Variants in B4GALNT3 observed in about 807,000 individuals in gnomAD.
The protein encoded by B4GALNT3 is beta-1,4-N-acetyl-galactosaminyltransferase 3.
Under a neutral mutation model 120.2 loss-of-function variants are expected in B4GALNT3, and 86 were observed. The ratio of observed to expected loss-of-function variants is 0.72; its 90% confidence interval spans 0.60 to 0.86. B4GALNT3 has a LOEUF of 0.86. Ranked by LOEUF, B4GALNT3 falls within the 40% of genes least tolerant of loss-of-function variation. The pLI, the probability that B4GALNT3 is intolerant of heterozygous loss-of-function variation, is 0.00. For missense variants in B4GALNT3, 1,167 were observed against 1,298.9 expected, an observed-to-expected ratio of 0.90 and a Z score of 1.56; for synonymous variants, 518 against 510.4, an observed-to-expected ratio of 1.01 and a Z score of -0.20.
intron 3 of B4GALNT3, among the ~76,000 whole-genome samples, chr12:540,769 A>G (rs541899829): frequency 6.6e-6 from 1 of 151,044 alleles, no homozygotes; most frequent in African/African-American, 2.4e-5. Flanking sequence ...TTTGAGACGG[A>G]GTCTCGCTCT....
chr12:541,993 G>A (rs1170782728), intron 3 of B4GALNT3, among the ~76,000 whole-genome samples: 1 of 152,052 alleles, frequency 6.6e-6, no homozygotes, highest in Non-Finnish European at 1.5e-5. Context: ...GGAGACAGCT[G>A]AGTCTTATAA....
intron 1 of B4GALNT3, among the ~76,000 whole-genome samples, chr12:476,854 A>C (rs529685671): frequency 6.6e-6 from 1 of 152,344 alleles, no homozygotes; most frequent in East Asian, 1.9e-4. Flanking sequence ...AGAAGTCCAG[A>C]GATTTTAAAT....
At chr12:545,302 C>T (rs1946979414) in intron 5 of B4GALNT3, 67 bp from the exon 6 acceptor site, 3 of 1,543,200 alleles carry the variant, frequency 1.9e-6, no homozygotes, top group East Asian at 2.4e-5. Context: ...AAGACACTCA[C>T]AAAAGCCTCC....
At chr12:544,478 C>A in intron 4 of B4GALNT3, 44 bp downstream of exon 4, 1 of 1,500,254 alleles carries the variant, frequency 6.7e-7, no homozygotes. Context: ...TCCACACCTG[C>A]CTCCTCTGCC....
intron 1 of B4GALNT3, among the ~76,000 whole-genome samples, chr12:512,190 TCCGCCTTCCA>T (rs1192808766): frequency 0.053 from 4,498 of 85,104 alleles, 432 homozygotes; most frequent in Non-Finnish European, 0.062. Context: ...CCTTCCACCT[TCCGCCTTCCA>T]CCTTCCACCT....
intron 1 of B4GALNT3, among the ~76,000 whole-genome samples, chr12:526,372 G>C (rs76887376): frequency 0.29 from 43,573 of 152,058 alleles, 7,129 homozygotes; most frequent in African/African-American, 0.43. Flanking sequence ...CACATCTTCC[G>C]TCTGCATGCA....
Position 485,131 on chromosome 12 carries a change from T to G in B4GALNT3, c.169+24586T>G, listed in dbSNP as rs188866405. Among the ~76,000 whole-genome samples the G allele has an allele frequency of 7.3e-3, 1,114 of 152,192 alleles. 14 individuals carry two copies. The highest frequency in any genetic ancestry group is 0.01 in the Middle Eastern group (3 of 294). On this transcript the variant is annotated intron_variant, in intron 1 of 19. Coordinates refer to ENST00000266383, the MANE Select transcript of B4GALNT3 (RefSeq NM_173593.4). ...AAGACGTGGTGTTGGAGGTGGGATT[T>G]GAACTGGGGTGTATGATGCAGAGGA...
At position 460,558 on chromosome 12, in the gene B4GALNT3, C is replaced by T; in HGVS notation, c.169+13C>T. On this transcript the variant is annotated intron_variant, in intron 1 of 19. Coordinates refer to ENST00000266383, the MANE Select transcript of B4GALNT3 (RefSeq NM_173593.4). This position sits in a 1 kb window ranked among gnomAD's most constrained non-coding sequence, Gnocchi z 8.0. The stretch of plus-strand genomic sequence containing the variant: ...CCCCTGAACCGGAGTAAGTAGCACC[C>T]AGGGGAGGCGAAGGGCGCGGGGGTG... 1 of 1,431,554 alleles carries T rather than the reference C, an allele frequency of 7.0e-7. No homozygotes were observed. Among genetic ancestry groups the T allele is most frequent in the Non-Finnish European group, 9.3e-7 (1 of 1,080,922 alleles). The allele number at this position is 1,431,554 out of a possible 1,614,324, so 88.7% of individuals were successfully genotyped here.
chr12:510,481 T>TGGCTGGGCTGGAAG (rs1946536929), intron 1 of B4GALNT3, among the ~76,000 whole-genome samples: 1 of 147,608 alleles, frequency 6.8e-6, no homozygotes, highest in Non-Finnish European at 1.5e-5. Context: ...TCAGGGGAGT[T>TGGCTGGGCTGGAAG]GGCTGGGCTG....
At position 553,987 on chromosome 12, in the gene B4GALNT3, AG is replaced by A; in HGVS notation, c.2060+6del. ...AGCTCAACCAGAGGAGCCGGGGGTA[AG>A]GTAAAGGGCTCTCCTGGGGCCAGGG... On this transcript the variant is annotated splice_donor_5th_base_variant and intron_variant, in intron 14 of 19. Transcript: ENST00000266383. 6.2e-7 allele frequency: 1 copy of A among 1,603,894 alleles called. No individual in the cohort carries two copies. The highest frequency in any genetic ancestry group is 8.5e-7 in the Non-Finnish European group (1 of 1,173,636).
chr12:510,796 T>C (rs919433465), intron 1 of B4GALNT3, among the ~76,000 whole-genome samples: 1 of 152,002 alleles, frequency 6.6e-6, no homozygotes, highest in African/African-American at 2.4e-5. Flanking sequence ...GTAGAGGCTA[T>C]AAGTCGGCCA....
chr12:525,792 C>T lies in B4GALNT3; in HGVS notation c.170-9374C>T, dbSNP rs556166970. Reference sequence around the variant, plus strand: ...CAGAGCATCCATGGGCAATGGTAAACATTGAGGTGAGTTCTGGAGATGTTT... The same window carrying T: ...CAGAGCATCCATGGGCAATGGTAAATATTGAGGTGAGTTCTGGAGATGTTT... On this transcript the variant is annotated intron_variant, in intron 1 of 19. Coordinates refer to ENST00000266383, the MANE Select transcript of B4GALNT3 (RefSeq NM_173593.4). 7.9e-5 allele frequency among the ~76,000 whole-genome samples: 12 copies of T among 152,318 alleles called. No individual in the cohort carries two copies. In the South Asian group the frequency reaches 2.5e-3, roughly 32 times the overall value.
At position 460,652 on chromosome 12, in the gene B4GALNT3, C is replaced by A; in HGVS notation, c.169+107C>A. The A allele has an allele frequency of 9.1e-7, 1 of 1,100,790 alleles. No homozygotes were observed. Among genetic ancestry groups the A allele is most frequent in the Non-Finnish European group, 1.2e-6 (1 of 862,170 alleles). 68.2% of individuals were successfully genotyped at this position (1,100,790 alleles called of 1,614,324 possible). On this transcript the variant is annotated intron_variant, in intron 1 of 19. Transcript: ENST00000266383. The surrounding 1 kb of genome is among the most constrained non-coding windows in gnomAD (Gnocchi z 8.0). ...CCCATCCTCAGACCCGATTTCCCAC[C>A]CATTTCTCCCTCAGGTGCCCGGCGT...
rs191238450 is a variant in B4GALNT3 at position 513,779 on chromosome 12, C to T, written c.170-21387C>T. 2.0e-4 allele frequency among the ~76,000 whole-genome samples: 30 copies of T among 152,302 alleles called. No individual in the cohort carries two copies. In the East Asian group the frequency reaches 3.9e-3, roughly 20 times the overall value. On this transcript the variant is annotated intron_variant, in intron 1 of 19. Transcript: ENST00000266383. ...GGCCTCAAACATTTTTGTATAGACG[C>T]GGTCTCCCTATGTTGCCCAGGCTGA...
intron 1 of B4GALNT3, among the ~76,000 whole-genome samples, chr12:521,675 A>G (rs16931534): frequency 0.031 from 4,749 of 152,292 alleles, 277 homozygotes; most frequent in African/African-American, 0.11. Context: ...GGTTCAGAAC[A>G]TCCAAAATGC....
intron 1 of B4GALNT3, among the ~76,000 whole-genome samples, chr12:502,293 C>T (rs774361613): frequency 7.2e-5 from 11 of 152,222 alleles, no homozygotes; most frequent in Non-Finnish European, 1.6e-4. Context: ...CAGCGTCCTG[C>T]AGCCCTCGGC....
intron 1 of B4GALNT3, among the ~76,000 whole-genome samples, chr12:512,345 T>G (rs1946591555): frequency 8.0e-6 from 1 of 124,910 alleles, no homozygotes; most frequent in African/African-American, 3.3e-5. Context: ...CCTTCCACCT[T>G]CCACCTTCCG....
chr12:485,667 G>T (rs1336818132), intron 1 of B4GALNT3, among the ~76,000 whole-genome samples: 1 of 152,198 alleles, frequency 6.6e-6, no homozygotes, highest in East Asian at 1.9e-4. Context: ...ACAAGCATAT[G>T]ATTTATCGAC....
chr12:506,052 A>G (rs920796947), intron 1 of B4GALNT3, among the ~76,000 whole-genome samples: 13 of 152,132 alleles, frequency 8.5e-5, no homozygotes, highest in African/African-American at 2.9e-4. Context: ...CCTCTAATAC[A>G]GCACAGGTAC....
Sources: gnomAD v4.1 joint callset for allele counts (sites outside exome capture counted in the v4.1 genomes callset) on GRCh38, gnomAD v4.1.1 for gene constraint, Gnocchi (gnomAD v3.1) non-coding constraint, MANE v1.5 for transcripts, NCBI Gene and HGNC (gene_info 2026-07-23, HGNC 2026-07-21) for gene names.